Variants in FAM98A observed in about 807,000 individuals in gnomAD.
The protein encoded by FAM98A is tRNA splicing ligase complex subunit 3A.
In FAM98A, 25 loss-of-function variants were observed where a neutral mutation model predicts 62.9. The ratio of observed to expected loss-of-function variants is 0.40; its 90% CI spans 0.29 to 0.56. FAM98A has a LOEUF of 0.56. FAM98A is among the 20% of genes least tolerant of loss of function. The pLI is 0.51. For missense variants in FAM98A, 653 were observed against 640.7 expected, an observed-to-expected ratio of 1.02 and a Z score of -0.21; for synonymous variants, 252 against 228.6, an observed-to-expected ratio of 1.10 and a Z score of -0.92.
Position 33,599,293 on chromosome 2 carries a change from C to T in FAM98A, c.-72G>A. The T allele has an allele frequency of 7.8e-7, 1 of 1,283,980 alleles. No homozygotes were observed. 79.5% of individuals were successfully genotyped at this position (1,283,980 alleles called of 1,614,324 possible). A position where few individuals can be genotyped will look rare whatever the true frequency, so the allele number is the denominator to read the frequency against. On this transcript the variant is annotated 5_prime_UTR_variant, in exon 1 of 8. Transcript: ENST00000238823. ...CCGGCAACGCGTACACTCGCGCATGCGCGACTTCCCCGGAACTTCCAAATC... is the reference window on the plus strand; with the variant it reads ...CCGGCAACGCGTACACTCGCGCATGTGCGACTTCCCCGGAACTTCCAAATC...
rs1157878838 is a variant in FAM98A, at chr2:33,592,110, G to C, written c.307C>G (p.Leu103Val). The change falls in exon 3 of 8, where the codon CTC becomes GTC. Residue 103 changes from leucine to valine, a missense_variant. Transcript: ENST00000238823. ...LTSGDVTKRL[L>V]IQKNCLLLLT... is the part of the protein sequence containing the mutation. The stretch of plus-strand genomic sequence containing the variant: ...AAGAGGAGGCAGTTCTTCTGAATGA[G>C]AAGGCGCTTGGTCACATCCCCAGAT... The C allele has an allele frequency of 1.2e-6, 2 of 1,613,436 alleles. No homozygotes were observed. The highest frequency in any genetic ancestry group is 2.7e-5 in the African/African-American group (2 of 74,904).
chr2:33,586,117 T>C (rs564711283), intron 6 of FAM98A, among the ~76,000 whole-genome samples: 1 of 152,372 alleles, frequency 6.6e-6, no homozygotes, highest in African/African-American at 2.4e-5. Context: ...ATCTGCTGAA[T>C]GACCAAGGTC....
intron 6 of FAM98A, among the ~76,000 whole-genome samples, chr2:33,585,974 A>AT (rs1677539159): frequency 6.6e-6 from 1 of 152,204 alleles, no homozygotes; most frequent in Non-Finnish European, 1.5e-5. Flanking sequence ...GGCCAACGTG[A>AT]TAAAAAGGTT....
rs750210910 is a variant in FAM98A, at chr2:33,595,627, G to A, written c.64C>T (p.Pro22Ser). Residue 22 changes from proline (P) to serine (S), a missense_variant, in exon 2 of 8, where the codon CCA becomes TCA. Transcript: ENST00000238823. ...GAGAGCGCTCCATCTTCCAACAATGGGCCCTTGTAACTGGTGAGCAAGAAA... is the reference window on the plus strand; with the variant it reads ...GAGAGCGCTCCATCTTCCAACAATGAGCCCTTGTAACTGGTGAGCAAGAAA... ...ESLEDLGYKG[P>S]LLEDGALSQA... is the part of the protein sequence containing the mutation. The A allele has an allele frequency of 3.8e-6, 6 of 1,575,502 alleles. No homozygotes were observed. The Admixed American group carries it at 6.0e-5, about 16-fold the overall frequency.
chr2:33,590,398 G>A (rs1425017908), intron 3 of FAM98A, among the ~76,000 whole-genome samples: 2 of 152,096 alleles, frequency 1.3e-5, no homozygotes, highest in East Asian at 1.9e-4. Context: ...AGGTAAGGGT[G>A]CTGGAAAAGT....
At chr2:33,594,520 C>A (rs1288596005) in intron 2 of FAM98A, among the ~76,000 whole-genome samples, 2 of 126,428 alleles carry the variant, frequency 1.6e-5, no homozygotes, top group African/African-American at 3.1e-5. Flanking sequence ...ACACATGTAT[C>A]CCGGAACATA....
At chr2:33,591,987 T>C (rs1281243930) in intron 3 of FAM98A, 93 bp downstream of exon 3, 7 of 1,120,208 alleles carry the variant, frequency 6.2e-6, no homozygotes, top group East Asian at 2.4e-5. Context: ...ACATTCATAA[T>C]GAAATAAACA....
At chr2:33,586,856 T>C (rs575654439) in intron 5 of FAM98A, 178 bp from the exon 6 acceptor site, 1 of 585,904 alleles carries the variant, frequency 1.7e-6, no homozygotes, top group South Asian at 2.2e-5. Flanking sequence ...AAAAAGCTGA[T>C]TCACAAAACA....
Position 33,584,829 on chromosome 2 carries a change from C to G in FAM98A, c.1504G>C (p.Gly502Arg). The G allele has an allele frequency of 6.2e-7, 1 of 1,614,034 alleles. No individual in the cohort carries two copies. Residue 502 changes from glycine (G) to arginine (R), a missense_variant, in exon 8 of 8, where the codon GGT becomes CGT. Transcript: ENST00000238823. ...GQFEQHFQHG[G>R]YQYNHSGFGQ... ...AATCCAGAATGATTATACTGATAAC[C>G]TCCATGCTGGAAATGCTGTTCAAAT...
chr2:33,595,733 T>C (rs1035865059), intron 1 of FAM98A, 96 bp from the exon 2 acceptor site: 2 of 848,982 alleles, frequency 2.4e-6, no homozygotes, highest in African/African-American at 3.6e-5. Context: ...TAAGCAATAA[T>C]TTAATAAAGA....
In FAM98A at chr2:33,584,983, A is replaced by G. The variant is rs1677504021; in HGVS notation, c.1350T>C (p.Asp450=). 6.2e-7 allele frequency: 1 copy of G among 1,613,484 alleles called. No homozygotes were observed. The highest frequency in any genetic ancestry group is 8.5e-7 in the Non-Finnish European group (1 of 1,179,900). The change falls in exon 8 of 8, where the codon GAT becomes GAC. Residue 450 remains aspartate, a synonymous_variant. Transcript: ENST00000238823. ...CACCACGATCACCATGGTGCCCGCC[A>G]TCTTGGTATCTATTGTCCTGCTGGT... ...GGYQQDNRYQ[D]GGHHGDRGGG...
At chr2:33,598,220 G>A (rs1369139726) in intron 1 of FAM98A, among the ~76,000 whole-genome samples, 1 of 152,190 alleles carries the variant, frequency 6.6e-6, no homozygotes, top group Non-Finnish European at 1.5e-5. Flanking sequence ...AGGTTTCCTT[G>A]TCATGGAAAA....
Position 33,592,067 on chromosome 2 carries a change from G to C in FAM98A, c.337+13C>G. ...AGAAAGTAATAGCTATATTCTAGTA[G>C]CCATGAACTTACTGAGCAAGAGGAG... is the stretch of plus-strand genomic sequence containing the variant. On this transcript the variant is annotated intron_variant, in intron 3 of 7. Coordinates refer to ENST00000238823, the MANE Select transcript of FAM98A (RefSeq NM_015475.5). 8 of 1,609,674 alleles carry C rather than the reference G, an allele frequency of 5.0e-6. No individual in the cohort carries two copies. The highest frequency in any genetic ancestry group is 6.8e-6 in the Non-Finnish European group (8 of 1,176,888).
chr2:33,597,786 A>G (rs1356342551), intron 1 of FAM98A, among the ~76,000 whole-genome samples: 1 of 151,906 alleles, frequency 6.6e-6, no homozygotes, highest in Non-Finnish European at 1.5e-5. Flanking sequence ...CAGTAAAGGG[A>G]CCCTCCTCAG....
Position 33,592,213 on chromosome 2 carries a change from A to C in FAM98A, c.204T>G (p.Ser68Arg). 1 of 1,603,538 alleles carries C rather than the reference A, an allele frequency of 6.2e-7. No homozygotes were observed. Among genetic ancestry groups the C allele is most frequent in the East Asian group, 2.2e-5 (1 of 44,810 alleles). Reference sequence around the variant, plus strand: ...GCTGGAATTCTTCAGCTTCACTCGGACCTTTTAAGAATTAAAATAATCTTA... The same window carrying C: ...GCTGGAATTCTTCAGCTTCACTCGGCCCTTTTAAGAATTAAAATAATCTTA... ...KLEENVQATN[S>R]PSEAEEFQLE... Residue 68 changes from serine to arginine, a missense_variant and splice_region_variant, in exon 3 of 8, where the codon AGT (serine) becomes AGG (arginine). Transcript: ENST00000238823.
At position 33,595,607 on chromosome 2, in the gene FAM98A, C is replaced by A. The variant is rs150331049; in HGVS notation, c.84G>T (p.Ala28=). 2 of 1,588,430 alleles carry A rather than the reference C, an allele frequency of 1.3e-6. No homozygotes were observed. The highest frequency in any genetic ancestry group is 4.6e-5 in the East Asian group (2 of 43,282). ...GYKGPLLEDG[A]LSQAVSAGAS... ...CTCCAGCAGAGACTGCCTGAGAGAGCGCTCCATCTTCCAACAATGGGCCCT... is the reference window on the plus strand; with the variant it reads ...CTCCAGCAGAGACTGCCTGAGAGAGAGCTCCATCTTCCAACAATGGGCCCT... Residue 28 remains alanine (A), a synonymous_variant, in exon 2 of 8, where the codon GCG becomes GCT. Transcript: ENST00000238823.
intron 2 of FAM98A, 67 bp downstream of exon 2, chr2:33,595,418 TGATA>T: frequency 7.7e-7 from 1 of 1,299,656 alleles, no homozygotes; most frequent in Non-Finnish European, 1.0e-6. Flanking sequence ...GCTTTAGTAT[TGATA>T]ATGTTCAGTT....
chr2:33,597,579 TA>T (rs1204350983), intron 1 of FAM98A, among the ~76,000 whole-genome samples: 1 of 151,312 alleles, frequency 6.6e-6, no homozygotes, highest in African/African-American at 2.4e-5. Flanking sequence ...AATAAAAAGT[TA>T]AAAAAAGGAG....
intron 1 of FAM98A, among the ~76,000 whole-genome samples, chr2:33,596,261 A>G (rs1463486878): frequency 6.6e-6 from 1 of 152,200 alleles, no homozygotes; most frequent in Admixed American, 6.5e-5. Context: ...AACCATTTAT[A>G]TCATTTTTAT....
Sources: allele counts gnomAD v4.1 joint callset (sites outside exome capture counted in the v4.1 genomes callset), GRCh38; gene constraint gnomAD v4.1.1; transcripts MANE v1.5; gene names NCBI Gene and HGNC (gene_info 2026-07-23, HGNC 2026-07-21).